INTS4: variants seen among roughly 807,000 people sequenced by gnomAD.
INTS4 encodes the protein integrator complex subunit 4, also known as MSTP093.
A neutral mutation model predicts 119.5 loss-of-function variants in INTS4; 70 were observed. That is an observed-to-expected ratio of 0.59 (90% CI 0.48 to 0.71). INTS4 has a LOEUF of 0.71. Ranked by LOEUF, INTS4 falls within the 30% of genes least tolerant of loss-of-function variation. INTS4 has a pLI of 0.00. For missense variants in INTS4, 867 were observed against 1,173.2 expected, an observed-to-expected ratio of 0.74 and a Z score of 3.81; for synonymous variants, 316 against 419.6, an observed-to-expected ratio of 0.75 and a Z score of 3.02.
chr11:77,909,993 T>C (rs1351709209), intron 15 of INTS4, among the ~76,000 whole-genome samples: 4 of 152,094 alleles, frequency 2.6e-5, no homozygotes, highest in African/African-American at 7.2e-5. Flanking sequence ...ACACTGTTGG[T>C]GGGACTGTAA....
chr11:77,980,021 T>C (rs1856142600), intron 3 of INTS4, among the ~76,000 whole-genome samples: 1 of 148,026 alleles, frequency 6.8e-6, no homozygotes, highest in Non-Finnish European at 1.5e-5. Context: ...AAAAAAGTTT[T>C]CCATTGCCTT....
intron 10 of INTS4, among the ~76,000 whole-genome samples, chr11:77,936,877 T>TA (rs1435616217): frequency 1.3e-5 from 2 of 151,450 alleles, no homozygotes; most frequent in Non-Finnish European, 1.5e-5. Context: ...TCAGAGAAAT[T>TA]AAAAAAAATA....
At chr11:77,899,429 TG>T (rs751980017) in intron 18 of INTS4, among the ~76,000 whole-genome samples, 6 of 152,052 alleles carry the variant, frequency 3.9e-5, no homozygotes, top group Non-Finnish European at 7.4e-5. Context: ...CCTAGCACTC[TG>T]GGAGGCCGAG....
chr11:77,928,776 G>A (rs901725333), intron 10 of INTS4, among the ~76,000 whole-genome samples: 1 of 152,118 alleles, frequency 6.6e-6, no homozygotes, highest in African/African-American at 2.4e-5. Flanking sequence ...TTGAACCTGG[G>A]AGGCAGAAAT....
Position 77,878,851 on chromosome 11 carries a change from A to G in INTS4, c.*98T>C, listed in dbSNP as rs151209343. 7.6e-4 allele frequency: 657 copies of G among 863,066 alleles called. 9 individuals are homozygous for G. The African/African-American group carries it at 1.0e-2, about 13-fold the overall frequency. 53.5% of individuals were successfully genotyped at this position (863,066 alleles called of 1,614,324 possible). On this transcript the variant is annotated 3_prime_UTR_variant, in exon 23 of 23. Transcript: ENST00000534064. ...GACTGTAAGGGTCACATACTCCTTA[A>G]GCCTACACATCAATTCCAGGTGAAG...
rs938218292 is a variant in INTS4 at position 77,897,821 on chromosome 11, T to C, written c.2229-3472A>G. Among the ~76,000 whole-genome samples the C allele has an allele frequency of 2.0e-4, 30 of 151,978 alleles. No individual in the cohort carries two copies. The East Asian group carries it at 3.1e-3, about 16-fold the overall frequency. On this transcript the variant is annotated intron_variant, in intron 18 of 22. Coordinates refer to ENST00000534064, the MANE Select transcript of INTS4 (RefSeq NM_033547.4). ...CACCCAGCCATATTATTGTTATTATTTTTAAGACATAGGGTCTTGTTCTGT... is the reference window on the plus strand; with the variant it reads ...CACCCAGCCATATTATTGTTATTATCTTTAAGACATAGGGTCTTGTTCTGT...
At chr11:77,911,578 A>G (rs1184360898) in intron 15 of INTS4, among the ~76,000 whole-genome samples, 1 of 152,210 alleles carries the variant, frequency 6.6e-6, no homozygotes, top group Non-Finnish European at 1.5e-5. Context: ...GATGTAACCC[A>G]ATCCAACACA....
rs534312142 is a variant in INTS4 at position 77,930,826 on chromosome 11, T to G, written c.1166-2279A>C. The stretch of plus-strand genomic sequence containing the variant: ...GAGACCCCATCTCTATAAAAAAAAG[T>G]TAATTAAAAATAAATAAATAATATG... On this transcript the variant is annotated intron_variant, in intron 10 of 22. Coordinates refer to ENST00000534064, the MANE Select transcript of INTS4 (RefSeq NM_033547.4). Among the ~76,000 whole-genome samples the G allele has an allele frequency of 9.9e-5, 15 of 152,090 alleles. No individual in the cohort carries two copies. In the South Asian group the frequency reaches 3.1e-3, roughly 32 times the overall value.
chr11:77,979,509 T>C (rs1856108692), intron 3 of INTS4, among the ~76,000 whole-genome samples: 1 of 151,558 alleles, frequency 6.6e-6, no homozygotes, highest in Non-Finnish European at 1.5e-5. Context: ...TTTTGTCAAC[T>C]GGGTTCTACT....
chr11:77,993,679 A>G (rs1215363239), intron 1 of INTS4, among the ~76,000 whole-genome samples: 3 of 152,196 alleles, frequency 2.0e-5, no homozygotes, highest in Non-Finnish European at 4.4e-5. Flanking sequence ...GGATGAATGA[A>G]TCCATGTAAT....
chr11:77,918,414 CTCA>C, intron 15 of INTS4: 1 of 93,928 alleles, frequency 1.1e-5, no homozygotes. Flanking sequence ...GAGACCCTGT[CTCA>C]AAAAAAAAAA....
At chr11:77,966,039 C>T (rs897184508) in intron 4 of INTS4, among the ~76,000 whole-genome samples, 2 of 152,170 alleles carry the variant, frequency 1.3e-5, no homozygotes, top group African/African-American at 4.8e-5. Context: ...TGACATCTCA[C>T]TTAATTTGCA....
At chr11:77,988,597 C>T (rs766313433) in intron 2 of INTS4, among the ~76,000 whole-genome samples, 5 of 151,976 alleles carry the variant, frequency 3.3e-5, no homozygotes, top group Non-Finnish European at 5.9e-5. Context: ...TAGGCAGTTT[C>T]GATATGAAAC....
In INTS4 at chr11:77,901,529, A is replaced by G. The variant is rs1447019221; in HGVS notation, c.2120T>C (p.Met707Thr). 1 of 1,608,918 alleles carries G rather than the reference A, an allele frequency of 6.2e-7. No individual in the cohort carries two copies. The highest frequency in any genetic ancestry group is 8.5e-7 in the Non-Finnish European group (1 of 1,175,220). Reference protein sequence around the residue: ...AKQIMEETYKMEFMYSGVENK... With the variant: ...AKQIMEETYKTEFMYSGVENK... ...CTCCACACCACTGTACATGAATTCC[A>G]TTTTGTAGGTCTCTTCCATAATCTA... The change falls in exon 18 of 23, where the codon ATG becomes ACG. Residue 707 changes from methionine (M) to threonine (T), a missense_variant. Transcript: ENST00000534064.
chr11:77,876,825 G>A (rs2136336268), downstream of INTS4: 1 of 599,718 alleles, frequency 1.7e-6, no homozygotes, highest in East Asian at 2.8e-5. Flanking sequence ...GGGCTAACTT[G>A]GAGGATTTTT....
At position 77,891,435 on chromosome 11, in the gene INTS4, C is replaced by A. The variant is rs1433915263; in HGVS notation, c.2476G>T (p.Glu826Ter). The A allele has an allele frequency of 6.2e-7, 1 of 1,613,712 alleles. No individual in the cohort carries two copies. The highest frequency in any genetic ancestry group is 8.5e-7 in the Non-Finnish European group (1 of 1,179,814). Residue 826 changes from glutamate (E) to a stop codon, truncating the protein, a stop_gained, in exon 21 of 23, where the codon GAG becomes TAG. Transcript: ENST00000534064. LOFTEE classifies it high-confidence loss of function. The stretch of plus-strand genomic sequence containing the variant: ...GGGTTGTCTGACTCGCCCGCTGGCT[C>A]GATGATGGTGGCTGAGGCTTTGTGG... ...QIHKASATII[E>*]PAGESDNPLR...
intron 4 of INTS4, among the ~76,000 whole-genome samples, chr11:77,972,668 C>T (rs899771479): frequency 1.3e-5 from 2 of 152,032 alleles, no homozygotes; most frequent in East Asian, 1.9e-4. Flanking sequence ...CTGCCTACCA[C>T]GGCCTCCCAA....
downstream of INTS4, among the ~76,000 whole-genome samples, chr11:77,878,475 A>G (rs1288344170): frequency 6.6e-6 from 1 of 152,214 alleles, no homozygotes; most frequent in East Asian, 1.9e-4. Flanking sequence ...AGGTTAACAC[A>G]TGTTTAAGGT....
rs143465146 is a variant in INTS4 at position 77,960,997 on chromosome 11, T to C, written c.613A>G (p.Ser205Gly). Residue 205 changes from serine to glycine, a missense_variant, in exon 5 of 23, where the codon AGT (serine) becomes GGT (glycine). Ser to Gly is a moderately conservative substitution (Grantham distance 56). Coordinates refer to ENST00000534064, the MANE Select transcript of INTS4 (RefSeq NM_033547.4). The part of the protein sequence containing the change: ...DVQKIIGDYF[S>G]DQDPRVRTAA... ...GTTCTGACACGTGGGTCTTGGTCAC[T>C]GAAGTAATCCCCTATAATCTTCTGG... The C allele has an allele frequency of 3.7e-6, 6 of 1,613,474 alleles. No individual in the cohort carries two copies. The highest frequency in any genetic ancestry group is 1.3e-5 in the African/African-American group (1 of 74,996).
Sources: gnomAD v4.1 joint callset for allele counts (sites outside exome capture counted in the v4.1 genomes callset) on GRCh38, gnomAD v4.1.1 for gene constraint, MANE v1.5 for transcripts, NCBI Gene and HGNC (gene_info 2026-07-23, HGNC 2026-07-21) for gene names.